Variants in UFSP2 observed in about 807,000 individuals in gnomAD.
UFSP2 encodes the protein ufm1-specific protease 2.
A neutral mutation model predicts 60.2 loss-of-function variants in UFSP2; 43 were observed. The observed-to-expected ratio is 0.71, with a 90% CI of 0.56 to 0.92. UFSP2 has a LOEUF of 0.92. UFSP2 is among the 40% of genes least tolerant of loss of function. The pLI, the probability that UFSP2 is intolerant of heterozygous loss-of-function variation, is 0.00. For missense variants in UFSP2, 520 were observed against 575.0 expected, an observed-to-expected ratio of 0.90 and a Z score of 0.98; for synonymous variants, 183 against 195.1, an observed-to-expected ratio of 0.94 and a Z score of 0.52.
intron 7 of UFSP2, among the ~76,000 whole-genome samples, chr4:185,411,468 T>C (rs1364942888): frequency 6.6e-6 from 1 of 152,162 alleles, no homozygotes; most frequent in Non-Finnish European, 1.5e-5. Context: ...AAGAAAATTA[T>C]AAGCCAGTAT....
chr4:185,410,168 A>C (rs1005526376), intron 7 of UFSP2, among the ~76,000 whole-genome samples: 1 of 152,242 alleles, frequency 6.6e-6, no homozygotes, highest in Non-Finnish European at 1.5e-5. Flanking sequence ...AAAAGCAAAA[A>C]AGAAAAATAA....
At chr4:185,412,983 T>C (rs933461120) in intron 7 of UFSP2, among the ~76,000 whole-genome samples, 1 of 152,108 alleles carries the variant, frequency 6.6e-6, no homozygotes, top group Non-Finnish European at 1.5e-5. Flanking sequence ...ATATGTTACA[T>C]GGAAAATAAG....
chr4:185,421,587 GAA>G (rs1289791409), intron 2 of UFSP2, among the ~76,000 whole-genome samples: 1 of 152,144 alleles, frequency 6.6e-6, no homozygotes, highest in African/African-American at 2.4e-5. Flanking sequence ...CACCATGATT[GAA>G]AGTTTCCTGA....
intron 11 of UFSP2, 88 bp from the exon 12 acceptor site, chr4:185,400,566 A>G: frequency 1.1e-6 from 1 of 915,520 alleles, no homozygotes; most frequent in African/African-American, 1.7e-5. Flanking sequence ...TGTCAGCAGG[A>G]CCTTGGAATA....
At chr4:185,400,679 G>A (rs1403857263) in intron 11 of UFSP2, 1 of 408,300 alleles carries the variant, frequency 2.4e-6, no homozygotes, top group African/African-American at 2.1e-5. Flanking sequence ...TTAATTCTAT[G>A]TATGTAATTC....
chr4:185,418,724 T>G lies in UFSP2; in HGVS notation c.129A>C (p.Ser43=). Residue 43 remains serine (S), a synonymous_variant, in exon 3 of 12, where the codon TCA becomes TCC. Coordinates refer to ENST00000264689, the MANE Select transcript of UFSP2 (RefSeq NM_018359.5). ...CAAGGGCGTTTGAAGACAGCTTAGT[T>G]GACAGGTCACTCAACACATGTTTCA... is the stretch of plus-strand genomic sequence containing the variant. ...KALKHVLSDL[S]TKLSSNALVF... is the part of the protein sequence containing the mutation. 1 of 1,613,182 alleles carries G rather than the reference T, an allele frequency of 6.2e-7. No homozygotes were observed. The highest frequency in any genetic ancestry group is 1.3e-5 in the African/African-American group (1 of 74,992).
At chr4:185,416,977 A>G (rs773416356) in intron 4 of UFSP2, among the ~76,000 whole-genome samples, 3 of 152,244 alleles carry the variant, frequency 2.0e-5, no homozygotes, top group Non-Finnish European at 2.9e-5. Context: ...GTGGGTCAAA[A>G]TCTGATGAGG....
At chr4:185,405,058 G>C (rs957152168) in intron 10 of UFSP2, among the ~76,000 whole-genome samples, 1 of 147,312 alleles carries the variant, frequency 6.8e-6, no homozygotes, top group African/African-American at 2.5e-5. Context: ...CCAGGCTGGA[G>C]AGCAGTGGAT....
At position 185,413,711 on chromosome 4, in the gene UFSP2, A is replaced by C. The variant is rs1182481038; in HGVS notation, c.831+15T>G. 4 of 1,596,820 alleles carry C rather than the reference A, an allele frequency of 2.5e-6. No homozygotes were observed. Among genetic ancestry groups the C allele is most frequent in the Non-Finnish European group, 3.4e-6 (4 of 1,174,480 alleles). ...ACTGATCCAGTGACTCCCATAAATAATTAGTTAAACTCACCATACCAGTCT... is the reference window on the plus strand; with the variant it reads ...ACTGATCCAGTGACTCCCATAAATACTTAGTTAAACTCACCATACCAGTCT... On this transcript the variant is annotated intron_variant, in intron 7 of 11. Transcript: ENST00000264689.
chr4:185,399,607 G>A lies in UFSP2; in HGVS notation c.*785C>T, dbSNP rs375912914. The stretch of plus-strand genomic sequence containing the variant: ...GAACGGGCAAACAGCTGAAGATCTC[G>A]CTTGGTCATGTGGATTTCCAGACTG... On this transcript the variant is annotated 3_prime_UTR_variant, in exon 12 of 12. Transcript: ENST00000264689. The A allele has an allele frequency of 2.5e-5, 40 of 1,614,134 alleles. No individual in the cohort carries two copies. In the East Asian group the frequency reaches 3.6e-4, roughly 14 times the overall value.
Position 185,418,595 on chromosome 4 carries a change from G to C in UFSP2, c.258C>G (p.Arg86=), listed in dbSNP as rs1173184174. The C allele has an allele frequency of 1.2e-6, 2 of 1,613,068 alleles. No individual in the cohort carries two copies. The highest frequency in any genetic ancestry group is 4.5e-5 in the East Asian group (2 of 44,826). Residue 86 remains arginine (R), a synonymous_variant, in exon 3 of 12, where the codon CGC becomes CGG. Coordinates refer to ENST00000264689, the MANE Select transcript of UFSP2 (RefSeq NM_018359.5). ...TDASACKNIL[R]FIQFEPEEDI... ...TCTTCAAACATACTCACTGAATAAA[G>C]CGCAGTATGTTCTTACAAGCAGAAG...
At chr4:185,416,167 A>G (rs1359480193) in intron 4 of UFSP2, 4 of 188,604 alleles carry the variant, frequency 2.1e-5, no homozygotes, top group Non-Finnish European at 3.2e-5. Context: ...TTTTAAAAAG[A>G]AATTATTTTC....
chr4:185,407,857 C>A, intron 9 of UFSP2, 79 bp downstream of exon 9: 3 of 1,430,562 alleles, frequency 2.1e-6, no homozygotes, highest in South Asian at 1.4e-5. Flanking sequence ...AGGGAAGATA[C>A]CATTTTTTCT....
intron 9 of UFSP2, among the ~76,000 whole-genome samples, chr4:185,407,420 A>T (rs2095522453): frequency 6.6e-6 from 1 of 152,198 alleles, no homozygotes; most frequent in South Asian, 2.1e-4. Context: ...ATAGAAAATA[A>T]TTAATTTATA....
At position 185,399,613 on chromosome 4, in the gene UFSP2, T is replaced by C; in HGVS notation, c.*779A>G. The C allele has an allele frequency of 1.2e-6, 2 of 1,614,182 alleles. No homozygotes were observed. Among genetic ancestry groups the C allele is most frequent in the Non-Finnish European group, 1.7e-6 (2 of 1,180,020 alleles). ...GCAAACAGCTGAAGATCTCGCTTGG[T>C]CATGTGGATTTCCAGACTGTGCCAA... is the stretch of plus-strand genomic sequence containing the variant. On this transcript the variant is annotated 3_prime_UTR_variant, in exon 12 of 12. Transcript: ENST00000264689.
At chr4:185,412,685 G>C (rs2095531498) in intron 7 of UFSP2, among the ~76,000 whole-genome samples, 1 of 152,160 alleles carries the variant, frequency 6.6e-6, no homozygotes, top group South Asian at 2.1e-4. Flanking sequence ...GGAGCAGACA[G>C]AGTAAAAGTT....
intron 2 of UFSP2, among the ~76,000 whole-genome samples, chr4:185,419,211 A>G (rs1580078397): frequency 6.6e-6 from 1 of 152,094 alleles, no homozygotes; most frequent in Non-Finnish European, 1.5e-5. Flanking sequence ...GGCTCACTGC[A>G]AGCTCCGCCT....
At position 185,400,042 on chromosome 4, in the gene UFSP2, T is replaced by G. The variant is rs199667874; in HGVS notation, c.*350A>C. On this transcript the variant is annotated 3_prime_UTR_variant, in exon 12 of 12. Coordinates refer to ENST00000264689, the MANE Select transcript of UFSP2 (RefSeq NM_018359.5). The stretch of plus-strand genomic sequence containing the variant: ...ATGTCACGTGGGTTATGAAGAAGTC[T>G]GAAGAACGCCTTCATTTCATGCAAA... 8.3e-6 allele frequency: 13 copies of G among 1,574,070 alleles called. No individual in the cohort carries two copies. Among genetic ancestry groups the G allele is most frequent in the Non-Finnish European group, 1.1e-5 (13 of 1,150,970 alleles).
Position 185,413,845 on chromosome 4 carries a change from G to A in UFSP2, c.712C>T (p.His238Tyr), listed in dbSNP as rs762659528. The change falls in exon 7 of 12, where the codon CAC (histidine) becomes TAC (tyrosine). Residue 238 changes from histidine to tyrosine, a missense_variant. Physicochemically the swap from His to Tyr is moderately conservative, Grantham distance 83. Coordinates refer to ENST00000264689, the MANE Select transcript of UFSP2 (RefSeq NM_018359.5). ...KELHDLFNLP[H>Y]DRPYFKRSNA... Reference sequence around the variant, plus strand: ...GACCTTTTGAAATAGGGTCTGTCGTGAGGCAGATTGAAAAGATCATGTAAC... The same window carrying A: ...GACCTTTTGAAATAGGGTCTGTCGTAAGGCAGATTGAAAAGATCATGTAAC... 3 of 1,609,500 alleles carry A rather than the reference G, an allele frequency of 1.9e-6. No homozygotes were observed. Among genetic ancestry groups the A allele is most frequent in the Admixed American group, 1.7e-5 (1 of 59,064 alleles).
Sources: gnomAD v4.1 joint callset for allele counts (sites outside exome capture counted in the v4.1 genomes callset) on GRCh38, gnomAD v4.1.1 for gene constraint, MANE v1.5 for transcripts, NCBI Gene and HGNC (gene_info 2026-07-23, HGNC 2026-07-21) for gene names.